The following PCDH15 variants were observed in gnomAD, a reference collection of about 807,000 sequenced individuals.
PCDH15 encodes protocadherin-15.
PCDH15 carries 129 observed loss-of-function variants against 178.5 expected under a neutral mutation model. The ratio of observed to expected loss-of-function variants is 0.72; its 90% CI spans 0.63 to 0.84. PCDH15 has a LOEUF of 0.84. Ranked by LOEUF, PCDH15 falls within the 40% of genes least tolerant of loss-of-function variation. PCDH15 has a pLI of 0.00. For missense variants in PCDH15, 2,230 were observed against 2,099.9 expected, an observed-to-expected ratio of 1.06 and a Z score of -1.21; for synonymous variants, 800 against 732.0, an observed-to-expected ratio of 1.09 and a Z score of -1.50.
At chr10:55,618,625 A>G (rs956840872) in intron 2 of PCDH15, among the ~76,000 whole-genome samples, 2 of 152,174 alleles carry the variant, frequency 1.3e-5, no homozygotes. Context: ...TGACATCAGC[A>G]TGTTACCTGA....
intron 6 of PCDH15, among the ~76,000 whole-genome samples, chr10:54,337,110 G>GTATATA (rs3069762): frequency 0.01 from 1,570 of 150,486 alleles, 17 homozygotes; most frequent in African/African-American, 0.032. Context: ...CATTTGGAAT[G>GTATATA]TATATATATA....
chr10:55,264,031 G>T (rs565624101), intron 1 of PCDH15, among the ~76,000 whole-genome samples: 2 of 152,236 alleles, frequency 1.3e-5, no homozygotes, highest in African/African-American at 4.8e-5. Flanking sequence ...ACCGCCCCGG[G>T]CCTGTTTTTC....
chr10:55,317,566 C>T (rs1056073703), intron 1 of PCDH15, among the ~76,000 whole-genome samples: 3 of 151,718 alleles, frequency 2.0e-5, no homozygotes, highest in Non-Finnish European at 4.4e-5. Context: ...ATAATTTCAG[C>T]TTGAAGCTCT....
intron 3 of PCDH15, among the ~76,000 whole-genome samples, chr10:54,394,026 A>C (rs1451853552): frequency 6.6e-6 from 1 of 152,182 alleles, no homozygotes; most frequent in Non-Finnish European, 1.5e-5. Flanking sequence ...GAAGAAAAGA[A>C]GAAAGAAAAA....
At chr10:54,212,899 T>C (rs1425064762) in intron 10 of PCDH15, among the ~76,000 whole-genome samples, 1 of 152,142 alleles carries the variant, frequency 6.6e-6, no homozygotes, top group Non-Finnish European at 1.5e-5. Flanking sequence ...AGGTAATCAC[T>C]TACCTTATCC....
chr10:55,573,923 A>T (rs1842451959), intron 2 of PCDH15, among the ~76,000 whole-genome samples: 1 of 151,854 alleles, frequency 6.6e-6, no homozygotes, highest in Non-Finnish European at 1.5e-5. Flanking sequence ...ATAAGCTAAT[A>T]TTCATGTTAC....
chr10:54,654,519 A>G (rs2094333512), intron 2 of PCDH15, among the ~76,000 whole-genome samples: 1 of 152,196 alleles, frequency 6.6e-6, no homozygotes, highest in Non-Finnish European at 1.5e-5. Flanking sequence ...AGTTACTGGA[A>G]GCCATAGAGA....
At chr10:55,180,362 G>A (rs1839609781) in intron 1 of PCDH15, among the ~76,000 whole-genome samples, 1 of 152,116 alleles carries the variant, frequency 6.6e-6, no homozygotes, top group South Asian at 2.1e-4. Context: ...ATACCTTTGA[G>A]ATGGAAAGTT....
intron 13 of PCDH15, among the ~76,000 whole-genome samples, chr10:54,175,752 G>A (rs138621290): frequency 1.5e-4 from 23 of 152,058 alleles, no homozygotes; most frequent in African/African-American, 4.3e-4. Flanking sequence ...TAAAACCCTC[G>A]TTAATTTGGA....
intron 21 of PCDH15, among the ~76,000 whole-genome samples, chr10:53,978,670 T>C (rs1234867008): frequency 2.0e-5 from 3 of 151,956 alleles, no homozygotes; most frequent in African/African-American, 7.3e-5. Context: ...TTTTTTTTTT[T>C]TTTTCTACTG....
rs1448642446 is a variant in PCDH15 at position 55,388,984 on chromosome 10, G to T, written c.-155-222333C>A. Among the ~76,000 whole-genome samples the T allele has an allele frequency of 2.0e-5, 3 of 152,106 alleles. No individual in the cohort carries two copies. In the East Asian group the frequency reaches 5.8e-4, roughly 29 times the overall value. ...GATAATTGTGGGAAATCACCTCATT[G>T]AATGAAGGATGAAGACCATGACTAA... On this transcript the variant is annotated intron_variant, in intron 2 of 5. Transcript: ENST00000613346.
chr10:54,154,468 T>G (rs1428301354), intron 13 of PCDH15, among the ~76,000 whole-genome samples: 1 of 152,170 alleles, frequency 6.6e-6, no homozygotes. Flanking sequence ...CAGACTCCTT[T>G]GAAAATACAG....
intron 3 of PCDH15, among the ~76,000 whole-genome samples, chr10:54,449,832 G>A (rs2076356449): frequency 6.6e-6 from 1 of 151,646 alleles, no homozygotes; most frequent in African/African-American, 2.4e-5. Context: ...TATCTGTTGG[G>A]GGATGGGAGG....
Position 54,433,080 on chromosome 10 carries a change from A to G in PCDH15, c.158-54138T>C, listed in dbSNP as rs138926414. 1.9e-3 allele frequency among the ~76,000 whole-genome samples: 286 copies of G among 152,230 alleles called. 1 individual carries two copies. The highest frequency in any genetic ancestry group is 6.5e-3 in the African/African-American group (272 of 41,564). On this transcript the variant is annotated intron_variant, in intron 3 of 37. Transcript: ENST00000644397. ...AAAAACAGGCACTAATGAATGCTGG[A>G]GAGGATGTGGAGAAAAGGGAATCCT... is the stretch of plus-strand genomic sequence containing the variant.
intron 1 of PCDH15, among the ~76,000 whole-genome samples, chr10:54,738,850 T>G (rs1013909359): frequency 2.0e-5 from 3 of 151,980 alleles, no homozygotes; most frequent in African/African-American, 7.2e-5. Flanking sequence ...TAAAAAAAAA[T>G]TTCCTTTGGT....
At chr10:54,300,820 T>C (rs371648116) in intron 8 of PCDH15, among the ~76,000 whole-genome samples, 2 of 152,182 alleles carry the variant, frequency 1.3e-5, no homozygotes, top group South Asian at 2.1e-4. Context: ...ATCAGCGCTC[T>C]GTAAAATGGA....
intron 2 of PCDH15, among the ~76,000 whole-genome samples, chr10:55,432,909 A>G (rs978508689): frequency 4.0e-5 from 6 of 151,872 alleles, no homozygotes; most frequent in Non-Finnish European, 7.4e-5. Context: ...CAGGCGTGAG[A>G]AGTAGCTGGG....
chr10:53,933,189 T>C (rs1384202786), intron 25 of PCDH15, among the ~76,000 whole-genome samples: 1 of 152,024 alleles, frequency 6.6e-6, no homozygotes, highest in Non-Finnish European at 1.5e-5. Flanking sequence ...TTATTATTAT[T>C]ATACTTTAAG....
chr10:54,205,481 T>TTGTGTTTGTGTGTG (rs1554837809), intron 10 of PCDH15, among the ~76,000 whole-genome samples: 1 of 135,088 alleles, frequency 7.4e-6, no homozygotes, highest in Non-Finnish European at 1.6e-5. Context: ...TATATTTCCT[T>TTGTGTTTGTGTGTG]TGTGTGTGTG....
Sources: gnomAD v4.1 joint callset for allele counts (sites outside exome capture counted in the v4.1 genomes callset) on GRCh38, gnomAD v4.1.1 for gene constraint, MANE v1.5 for transcripts, NCBI Gene and HGNC (gene_info 2026-07-23, HGNC 2026-07-21) for gene names.